The following UGT1A10 variants were observed in gnomAD, a reference collection of about 807,000 sequenced individuals.
The protein encoded by UGT1A10 is UDP-glucuronosyltransferase 1A10.
Under a neutral mutation model 45.8 loss-of-function variants are expected in UGT1A10, and 49 were observed. The observed-to-expected ratio is 1.07, with a 90% CI of 0.85 to 1.36. The LOEUF is 1.36. Among genes scored for constraint, UGT1A10 ranks in the 40% most tolerant of loss-of-function variants. The pLI, the probability that UGT1A10 is intolerant of heterozygous loss-of-function variation, is 0.00. For synonymous variants in UGT1A10, 284 were observed against 249.7 expected, an observed-to-expected ratio of 1.14 and a Z score of -1.29; for missense variants, 745 against 668.6, an observed-to-expected ratio of 1.11 and a Z score of -1.26.
At chr2:233,688,204 T>C (rs762193312) in intron 1 of UGT1A10, among the ~76,000 whole-genome samples, 1 of 152,240 alleles carries the variant, frequency 6.6e-6, no homozygotes, top group African/African-American at 2.4e-5. Flanking sequence ...TTCTTTCACT[T>C]AGTTTTGTGG....
At chr2:233,714,266 G>A (rs374255632) in intron 1 of UGT1A10, among the ~76,000 whole-genome samples, 1 of 152,208 alleles carries the variant, frequency 6.6e-6, no homozygotes, top group African/African-American at 2.4e-5. Flanking sequence ...ATTTACAATT[G>A]TTGACGTGAC....
chr2:233,765,338 A>G lies in UGT1A10; in HGVS notation c.856-1696A>G, dbSNP rs1698804627. On this transcript the variant is annotated intron_variant, in intron 1 of 4. Transcript: ENST00000344644. ...TTATTGCAGCACTATTCACAATAAC[A>G]AAGTCATGGAACCAACCCAGATGCC... Among the ~76,000 whole-genome samples the G allele has an allele frequency of 3.9e-5, 6 of 152,242 alleles. No individual in the cohort carries two copies. In the South Asian group the frequency reaches 1.0e-3, roughly 26 times the overall value.
At chr2:233,660,756 G>A (rs1389783094) in intron 1 of UGT1A10, among the ~76,000 whole-genome samples, 2 of 151,948 alleles carry the variant, frequency 1.3e-5, no homozygotes, top group East Asian at 3.9e-4. Context: ...TTTTTCTCTA[G>A]AATAGGGCAC....
At chr2:233,768,134 C>CT (rs1360779750) in intron 3 of UGT1A10, 86 bp from the exon 4 acceptor site, 2 of 1,607,930 alleles carry the variant, frequency 1.2e-6, no homozygotes, top group African/African-American at 2.7e-5. Flanking sequence ...AACACTGAGT[C>CT]TTTGGAGTGT....
chr2:233,729,594 C>T (rs1443112600), intron 1 of UGT1A10: 5 of 1,614,106 alleles, frequency 3.1e-6, no homozygotes, highest in Non-Finnish European at 4.2e-6. Flanking sequence ...CCGTTAACCT[C>T]TGCGCGGCAG....
At chr2:233,672,754 G>A (rs745881309) in intron 1 of UGT1A10, 7 of 1,613,730 alleles carry the variant, frequency 4.3e-6, no homozygotes, top group Non-Finnish European at 5.9e-6. Flanking sequence ...CTTCATTGGT[G>A]GTATCAACTG....
intron 4 of UGT1A10, chr2:233,771,129 T>C (rs1305021368): frequency 6.6e-6 from 1 of 152,152 alleles, no homozygotes. Context: ...TCCGACCCCA[T>C]GATCCAAACA....
At chr2:233,662,552 T>C (rs1027669884) in intron 1 of UGT1A10, among the ~76,000 whole-genome samples, 11 of 152,226 alleles carry the variant, frequency 7.2e-5, no homozygotes, top group Non-Finnish European at 1.6e-4. Context: ...TTGTTGGAAT[T>C]TCCCCATAGA....
intron 1 of UGT1A10, chr2:233,690,423 C>A: frequency 1.6e-6 from 2 of 1,228,812 alleles, no homozygotes; most frequent in Middle Eastern, 2.2e-4. Context: ...TACCTTCATG[C>A]ACATCTTTGG....
rs1178808521 is a variant in UGT1A10, at chr2:233,725,276, A to AGAG, written c.856-41756_856-41754dup. ...AGGCAGAGGCAGAGGAGGCAGAGGC[A>AGAG]GAGGCAGAGGCAGAGGCAGAGGCAG... On this transcript the variant is annotated intron_variant, in intron 1 of 4. Transcript: ENST00000344644. Among the ~76,000 whole-genome samples the AGAG allele has an allele frequency of 5.2e-3, 248 of 47,428 alleles. 10 individuals carry two copies. The highest frequency in any genetic ancestry group is 6.8e-3 in the Non-Finnish European group (161 of 23,506). 31.1% of individuals were successfully genotyped at this position (47,428 alleles called of 152,430 possible).
At chr2:233,694,587 A>G (rs2075228279) in intron 1 of UGT1A10, among the ~76,000 whole-genome samples, 1 of 152,196 alleles carries the variant, frequency 6.6e-6, no homozygotes, top group African/African-American at 2.4e-5. Context: ...AATATTTACA[A>G]CTTTGAAGGG....
chr2:233,693,429 G>A, intron 1 of UGT1A10: 2 of 1,614,166 alleles, frequency 1.2e-6, no homozygotes, highest in Non-Finnish European at 1.7e-6. Context: ...TTTAAGGAGA[G>A]CAAGTTTGAT....
At chr2:233,737,546 G>C (rs1575619302) in intron 1 of UGT1A10, among the ~76,000 whole-genome samples, 1 of 152,122 alleles carries the variant, frequency 6.6e-6, no homozygotes, top group Non-Finnish European at 1.5e-5. Flanking sequence ...GCTTCGGCTT[G>C]CCCTCAGTGG....
At chr2:233,703,396 A>T (rs890785846) in intron 1 of UGT1A10, among the ~76,000 whole-genome samples, 1 of 151,974 alleles carries the variant, frequency 6.6e-6, no homozygotes, top group African/African-American at 2.4e-5. Context: ...TCAAATAAAC[A>T]ATTTTGGTTT....
chr2:233,639,348 A>G (rs1183358331), intron 1 of UGT1A10, among the ~76,000 whole-genome samples: 1 of 152,212 alleles, frequency 6.6e-6, no homozygotes, highest in Non-Finnish European at 1.5e-5. Context: ...CTCACAGAGG[A>G]ATTCGATCTC....
At chr2:233,724,657 C>A (rs536267654) in intron 1 of UGT1A10, among the ~76,000 whole-genome samples, 1 of 142,620 alleles carries the variant, frequency 7.0e-6, no homozygotes, top group Non-Finnish European at 1.5e-5. Flanking sequence ...TGGGAAGAGG[C>A]GCTCCTCACT....
At chr2:233,693,073 G>T (rs758507310) in intron 1 of UGT1A10, 2 of 1,614,188 alleles carry the variant, frequency 1.2e-6, no homozygotes, top group Non-Finnish European at 1.7e-6. Context: ...TTTGGGGCAT[G>T]GTTGTAGGTG....
At chr2:233,737,076 G>C (rs183644627) in intron 1 of UGT1A10, among the ~76,000 whole-genome samples, 1 of 152,350 alleles carries the variant, frequency 6.6e-6, no homozygotes, top group East Asian at 1.9e-4. Flanking sequence ...CTTCAGAGCT[G>C]TCAGACAGGG....
intron 1 of UGT1A10, chr2:233,743,409 A>G: frequency 7.6e-7 from 1 of 1,312,950 alleles, no homozygotes; most frequent in Non-Finnish European, 1.0e-6. Context: ...AAAGGCCCCC[A>G]CTTCCCAGGG....
Sources: gnomAD v4.1 joint callset for allele counts (sites outside exome capture counted in the v4.1 genomes callset) on GRCh38, gnomAD v4.1.1 for gene constraint, MANE v1.5 for transcripts, NCBI Gene and HGNC (gene_info 2026-07-23, HGNC 2026-07-21) for gene names.